Variants in VPS50 observed in about 807,000 individuals in gnomAD.
The protein encoded by VPS50 is VPS50 subunit of EARP/GARPII complex, also known as syndetin.
VPS50 carries 70 observed loss-of-function variants against 139.7 expected under a neutral mutation model. That is an observed-to-expected ratio of 0.50 (90% CI 0.41 to 0.61). The LOEUF (loss-of-function observed/expected upper bound fraction) is 0.61, where lower values mean the gene tolerates loss of function less well. Among genes scored for constraint, VPS50 ranks in the 20% least tolerant of loss-of-function variants. The probability of loss-of-function intolerance (pLI) is 0.00; values close to 1 mark genes in which losing one functional copy is unlikely to be tolerated. For missense variants in VPS50, 921 were observed against 1,133.7 expected (o/e 0.81, Z 2.69); for synonymous variants, 365 against 376.7 (o/e 0.97, Z 0.36).
chr7:93,323,493 T>C (rs1017441666), intron 20 of VPS50, 118 bp from the exon 21 acceptor site: 1 of 297,104 alleles, frequency 3.4e-6, no homozygotes, highest in Admixed American at 5.1e-5. Flanking sequence ...TGTGAGGGAG[T>C]GCAATGTTTC....
chr7:93,352,760 A>G (rs369501697), intron 25 of VPS50, among the ~76,000 whole-genome samples: 1 of 152,138 alleles, frequency 6.6e-6, no homozygotes, highest in Non-Finnish European at 1.5e-5. Flanking sequence ...TAAATCAGGT[A>G]TATGTATTTA....
intron 2 of VPS50, 35 bp downstream of exon 2, chr7:93,239,969 T>C: frequency 2.4e-6 from 3 of 1,251,596 alleles, no homozygotes; most frequent in Non-Finnish European, 3.5e-6. Flanking sequence ...GACTTTTTAC[T>C]TCCTTAAGAA....
At chr7:93,311,105 C>A (rs1345859441) in intron 19 of VPS50, 61 bp from the exon 20 acceptor site, 4 of 799,882 alleles carry the variant, frequency 5.0e-6, no homozygotes, top group Non-Finnish European at 9.0e-6. Flanking sequence ...ACCTATCTGA[C>A]TAACTTATTG....
intron 25 of VPS50, among the ~76,000 whole-genome samples, chr7:93,352,739 T>C (rs1798594622): frequency 6.6e-6 from 1 of 152,194 alleles, no homozygotes; most frequent in Non-Finnish European, 1.5e-5. Flanking sequence ...CGTCTAATTA[T>C]TGGAGTTGTC....
At chr7:93,267,795 G>A (rs1795885168) in intron 9 of VPS50, among the ~76,000 whole-genome samples, 1 of 152,206 alleles carries the variant, frequency 6.6e-6, no homozygotes, top group African/African-American at 2.4e-5. Context: ...AACTGAGGGT[G>A]TGAAAGTCTG....
At chr7:93,238,333 T>G (rs1413620208) in intron 1 of VPS50, among the ~76,000 whole-genome samples, 5 of 152,096 alleles carry the variant, frequency 3.3e-5, no homozygotes, top group Non-Finnish European at 7.4e-5. Flanking sequence ...CCTAGAAATT[T>G]TTTTGCAGTC....
At chr7:93,293,403 G>A (rs926316615) in intron 13 of VPS50, among the ~76,000 whole-genome samples, 11 of 152,018 alleles carry the variant, frequency 7.2e-5, no homozygotes, top group African/African-American at 2.4e-4. Flanking sequence ...GTTTACATTC[G>A]TTGGAATACT....
intron 25 of VPS50, among the ~76,000 whole-genome samples, chr7:93,351,359 CCTT>C (rs1323745461): frequency 6.6e-6 from 1 of 152,012 alleles, no homozygotes; most frequent in East Asian, 1.9e-4. Context: ...TAATGATACC[CCTT>C]CTTTTTTTTT....
At position 93,305,965 on chromosome 7, in the gene VPS50, C is replaced by T; in HGVS notation, c.1590C>T (p.His530=). The T allele has an allele frequency of 6.2e-7, 1 of 1,612,280 alleles. No individual in the cohort carries two copies. Among genetic ancestry groups the T allele is most frequent in the South Asian group, 1.1e-5 (1 of 91,012 alleles). ...GGNPFEIQAN[H]KDEETEDVLA... ...ATCCATTTGAAATTCAGGCCAACCA[C>T]AAAGATGAAGAAACAGAAGATGTCT... Residue 530 remains histidine (H), a synonymous_variant, in exon 18 of 28, where the codon CAC becomes CAT. Coordinates refer to ENST00000305866, the MANE Select transcript of VPS50 (RefSeq NM_017667.4).
At chr7:93,272,943 C>G (rs1796052845) in intron 11 of VPS50, 1 of 309,730 alleles carries the variant, frequency 3.2e-6, no homozygotes. Flanking sequence ...TTGTTTTGAA[C>G]TATGAAGTAC....
chr7:93,246,666 T>A (rs1795165699), intron 2 of VPS50, among the ~76,000 whole-genome samples: 1 of 151,852 alleles, frequency 6.6e-6, no homozygotes, highest in South Asian at 2.1e-4. Flanking sequence ...GTGAATAGAA[T>A]TAAGAGCCCT....
At chr7:93,316,891 G>T (rs1278806841) in intron 20 of VPS50, among the ~76,000 whole-genome samples, 1 of 152,206 alleles carries the variant, frequency 6.6e-6, no homozygotes, top group Admixed American at 6.5e-5. Flanking sequence ...TATCTTGGCA[G>T]AGGCTCTTAA....
chr7:93,305,773 T>G, intron 17 of VPS50, 55 bp from the exon 18 acceptor site: 1 of 1,293,380 alleles, frequency 7.7e-7, no homozygotes, highest in Admixed American at 1.8e-5. Context: ...ATTCGGTTTA[T>G]GTACTAGAAT....
intron 18 of VPS50, among the ~76,000 whole-genome samples, chr7:93,307,377 T>C (rs1335634147): frequency 1.3e-5 from 2 of 151,880 alleles, no homozygotes; most frequent in Non-Finnish European, 2.9e-5. Flanking sequence ...TCTAAACAGT[T>C]AAATCACCAA....
At chr7:93,312,169 A>G (rs1249953478) in intron 20 of VPS50, among the ~76,000 whole-genome samples, 1 of 152,212 alleles carries the variant, frequency 6.6e-6, no homozygotes, top group African/African-American at 2.4e-5. Context: ...TACTGAATTG[A>G]GAAGAACAGA....
chr7:93,281,664 A>G (rs1241195004), intron 12 of VPS50, among the ~76,000 whole-genome samples: 1 of 152,222 alleles, frequency 6.6e-6, no homozygotes, highest in Non-Finnish European at 1.5e-5. Flanking sequence ...GCTAGACATA[A>G]TATAAGTTAT....
chr7:93,353,520 T>A, intron 25 of VPS50, 120 bp from the exon 26 acceptor site: 1 of 1,115,568 alleles, frequency 9.0e-7, no homozygotes, highest in Non-Finnish European at 1.3e-6. Context: ...ATTATCTTTT[T>A]TGATTTTACT....
At chr7:93,356,143 G>A (rs753562643) in intron 27 of VPS50, 63 bp downstream of exon 27, 5 of 807,596 alleles carry the variant, frequency 6.2e-6, no homozygotes, top group Non-Finnish European at 7.4e-6. Context: ...TTCTTGTTGG[G>A]TGTGTTATTT....
At position 93,323,651 on chromosome 7, in the gene VPS50, C is replaced by T; in HGVS notation, c.1896C>T (p.Ala632=). The T allele has an allele frequency of 7.3e-7, 1 of 1,367,302 alleles. No individual in the cohort carries two copies. The highest frequency in any genetic ancestry group is 9.8e-7 in the Non-Finnish European group (1 of 1,016,236). The allele number at this position is 1,367,302 out of a possible 1,614,324, so 84.7% of individuals were successfully genotyped here. ...TGATGAACATTCTTAAGCCAATTGC[C>T]TTTGATGTTATTCATTTCATGTCTC... The part of the protein sequence containing the change: ...MQMMNILKPI[A]FDVIHFMSQL... Residue 632 remains alanine, a synonymous_variant, in exon 21 of 28, where the codon GCC becomes GCT. Coordinates refer to ENST00000305866, the MANE Select transcript of VPS50 (RefSeq NM_017667.4).
Sources: gnomAD v4.1 joint callset for allele counts (sites outside exome capture counted in the v4.1 genomes callset) on GRCh38, gnomAD v4.1.1 for gene constraint, MANE v1.5 for transcripts, NCBI Gene and HGNC (gene_info 2026-07-23, HGNC 2026-07-21) for gene names.